Variants in CSMD2 observed in about 807,000 individuals in gnomAD.
The protein encoded by CSMD2 is CUB and Sushi multiple domains 2, also known as CUB and sushi domain-containing protein 2.
In CSMD2, 130 loss-of-function variants were observed where a neutral mutation model predicts 398.5. The observed-to-expected ratio is 0.33, with a 90% CI of 0.28 to 0.38. CSMD2 has a LOEUF of 0.38. Among genes scored for constraint, CSMD2 ranks in the 10% least tolerant of loss-of-function variants. CSMD2 has a pLI of 1.00. For missense variants in CSMD2, 3,829 were observed against 4,764.9 expected, an observed-to-expected ratio of 0.80 and a Z score of 5.78; for synonymous variants, 1,828 against 1,908.5, an observed-to-expected ratio of 0.96 and a Z score of 1.10.
intron 16 of CSMD2, 58 bp downstream of exon 16, chr1:33,726,489 C>T (rs551066858): frequency 9.7e-6 from 15 of 1,549,722 alleles, no homozygotes; most frequent in East Asian, 9.1e-5. Context: ...TTCCCTCCCA[C>T]GTGGCTCTGT....
intron 5 of CSMD2, among the ~76,000 whole-genome samples, chr1:33,857,734 C>G (rs1639202142): frequency 6.6e-6 from 1 of 152,116 alleles, no homozygotes. Context: ...AAGGAGGTAG[C>G]CTCCACTAGA....
At position 33,752,221 on chromosome 1, in the gene CSMD2, G is replaced by A. The variant is rs554788228; in HGVS notation, c.1847-8615C>T. Among the ~76,000 whole-genome samples, 4 of 152,300 alleles carry A rather than the reference G, an allele frequency of 2.6e-5. No individual in the cohort carries two copies. In the South Asian group the frequency reaches 8.3e-4, roughly 32 times the overall value. On this transcript the variant is annotated intron_variant, in intron 13 of 70. Transcript: ENST00000373381. ...GTTTTTTGTCTCCTCCAAATCTCAG[G>A]TTGAAATGTAATCCCCAATGTTTGA... is the stretch of plus-strand genomic sequence containing the variant.
intron 14 of CSMD2, among the ~76,000 whole-genome samples, chr1:33,743,002 A>G (rs1647133333): frequency 6.6e-6 from 1 of 152,108 alleles, no homozygotes; most frequent in African/African-American, 2.4e-5. Flanking sequence ...TTGGGGCAAA[A>G]ATGAGGTTCC....
intron 56 of CSMD2, among the ~76,000 whole-genome samples, chr1:33,546,564 T>C (rs1194015963): frequency 6.6e-6 from 1 of 152,172 alleles, no homozygotes. Flanking sequence ...GCTGATTCTG[T>C]AGTCCCATCT....
At chr1:33,821,002 G>A (rs892940268) in intron 7 of CSMD2, among the ~76,000 whole-genome samples, 1 of 152,102 alleles carries the variant, frequency 6.6e-6, no homozygotes, top group African/African-American at 2.4e-5. Context: ...ATAAAAGGTG[G>A]GTGCATGATC....
chr1:33,720,041 G>C (rs58167472), intron 19 of CSMD2, among the ~76,000 whole-genome samples: 1,611 of 152,296 alleles, frequency 0.011, 25 homozygotes, highest in African/African-American at 0.034. Context: ...ACAGAGTTTT[G>C]AGTTTCCTGA....
intron 6 of CSMD2, among the ~76,000 whole-genome samples, chr1:33,836,645 T>C (rs867907228): frequency 4.6e-5 from 7 of 152,036 alleles, no homozygotes; most frequent in Admixed American, 1.3e-4. Flanking sequence ...GCTCCGTGGG[T>C]GTAGGACCCT....
intron 25 of CSMD2, 113 bp downstream of exon 25, chr1:33,692,817 G>T: frequency 1.5e-6 from 2 of 1,333,172 alleles, no homozygotes; most frequent in South Asian, 1.3e-5. Context: ...TGATCACAAG[G>T]TTCTCCAGGT....
chr1:33,873,039 T>C (rs914428421), intron 5 of CSMD2, among the ~76,000 whole-genome samples: 4 of 151,862 alleles, frequency 2.6e-5, no homozygotes, highest in African/African-American at 9.7e-5. Context: ...TGCCATTGTA[T>C]GTTGGGCATA....
rs542963553 is a variant in CSMD2, at chr1:34,080,481, A to C, written c.404+8496T>G. Among the ~76,000 whole-genome samples the C allele has an allele frequency of 2.7e-4, 41 of 152,252 alleles. No homozygotes were observed. The Middle Eastern group carries it at 0.014, about 53-fold the overall frequency. On this transcript the variant is annotated intron_variant, in intron 2 of 70. Transcript: ENST00000373381. ...AAATGATCTTATACAGAGGGAAACA[A>C]GTCAACAAATTCTCCAAAGTAGAAA...
intron 3 of CSMD2, among the ~76,000 whole-genome samples, chr1:33,939,755 T>C (rs190944977): frequency 9.2e-5 from 14 of 152,268 alleles, no homozygotes; most frequent in Admixed American, 8.5e-4. Flanking sequence ...ATGGGGCTCA[T>C]TTCCAACCCC....
intron 1 of CSMD2, among the ~76,000 whole-genome samples, chr1:34,159,317 C>G (rs949029611): frequency 7.5e-6 from 1 of 133,422 alleles, no homozygotes; most frequent in Non-Finnish European, 1.6e-5. Context: ...CCAAGAATGA[C>G]TTTACAGCCT....
intron 26 of CSMD2, 130 bp from the exon 27 acceptor site, chr1:33,658,267 C>T: frequency 1.4e-6 from 1 of 697,248 alleles, no homozygotes; most frequent in Non-Finnish European, 2.4e-6. Context: ...TCCCCATCAT[C>T]ATCATCAGCT....
In CSMD2 at chr1:33,846,757, T is replaced by A. The variant is rs746666; in HGVS notation, c.1033+127A>T. On this transcript the variant is annotated intron_variant, in intron 6 of 70. Transcript: ENST00000373381. ...AATCTGCAGACCTCTGGTCTGCAAA[T>A]AGAAACGTACAAAGAAGGCAAGGAT... 0.019 allele frequency: 9,462 copies of A among 499,746 alleles called. 795 individuals are homozygous for A. The East Asian group carries it at 0.2, about 11-fold the overall frequency. The allele number at this position is 499,746 out of a possible 1,614,324, so 31.0% of individuals were successfully genotyped here.
chr1:33,566,306 C>CAA (rs36061027), intron 53 of CSMD2, among the ~76,000 whole-genome samples: 138 of 148,484 alleles, frequency 9.3e-4, no homozygotes, highest in African/African-American at 2.8e-3. Context: ...TCAGGAACCT[C>CAA]AAAAAAAAAA....
At chr1:34,032,795 C>T in intron 2 of CSMD2, 89 bp from the exon 3 acceptor site, 1 of 844,506 alleles carries the variant, frequency 1.2e-6, no homozygotes, top group Non-Finnish European at 1.9e-6. Flanking sequence ...GCTGGATACA[C>T]AGTGCTGATC....
intron 2 of CSMD2, among the ~76,000 whole-genome samples, chr1:34,053,269 A>C (rs1653427147): frequency 6.6e-6 from 1 of 152,160 alleles, no homozygotes; most frequent in Admixed American, 6.5e-5. Flanking sequence ...TGATACCGTA[A>C]GTGACCTCAT....
Position 33,533,776 on chromosome 1 carries a change from T to C in CSMD2, c.9991+20A>G. On this transcript the variant is annotated intron_variant, in intron 63 of 70. Coordinates refer to ENST00000373381, the MANE Select transcript of CSMD2 (RefSeq NM_001281956.2). The surrounding 1 kb of genome is among the most constrained non-coding windows in gnomAD (Gnocchi z 4.2). The stretch of plus-strand genomic sequence containing the variant: ...GGGCAAGAGGAATTTTCTTGGGATG[T>C]GGGTGAAGTCTGCACTCACGGACAC... The C allele has an allele frequency of 1.3e-6, 2 of 1,517,448 alleles. No individual in the cohort carries two copies. Among genetic ancestry groups the C allele is most frequent in the Non-Finnish European group, 1.8e-6 (2 of 1,092,616 alleles). The allele number at this position is 1,517,448 out of a possible 1,614,324, so 94.0% of individuals were successfully genotyped here. A position where few individuals can be genotyped will look rare whatever the true frequency, so the allele number is the denominator to read the frequency against.
chr1:33,580,183 G>A (rs1442532469), intron 48 of CSMD2, among the ~76,000 whole-genome samples: 1 of 152,234 alleles, frequency 6.6e-6, no homozygotes, highest in Non-Finnish European at 1.5e-5. Flanking sequence ...CAAGCACCTT[G>A]TGAAGTTTTC....
Sources: allele counts gnomAD v4.1 joint callset (sites outside exome capture counted in the v4.1 genomes callset), GRCh38; gene constraint gnomAD v4.1.1; non-coding constraint Gnocchi (gnomAD v3.1); transcripts MANE v1.5; gene names NCBI Gene and HGNC (gene_info 2026-07-23, HGNC 2026-07-21).